The following FARS2 variants were observed in gnomAD, a reference collection of about 807,000 sequenced individuals.
FARS2 encodes the protein phenylalanyl-tRNA synthetase 2, mitochondrial, also known as phenylalanine--tRNA ligase, mitochondrial.
A neutral mutation model predicts 46.4 loss-of-function variants in FARS2; 40 were observed. That is an observed-to-expected ratio of 0.86 (90% CI 0.67 to 1.12). The LOEUF (loss-of-function observed/expected upper bound fraction) is 1.12, where lower values mean the gene tolerates loss of function less well. Ranked by LOEUF, FARS2 falls within the 50% of genes most tolerant of loss-of-function variation. The pLI is 0.00. For missense variants in FARS2, 513 were observed against 567.9 expected (o/e 0.90, Z 0.98); for synonymous variants, 234 against 214.9 (o/e 1.09, Z -0.78).
At chr6:5,292,545 C>T (rs1330398595) in intron 1 of FARS2, among the ~76,000 whole-genome samples, 1 of 152,140 alleles carries the variant, frequency 6.6e-6, no homozygotes, top group Non-Finnish European at 1.5e-5. Flanking sequence ...CTAAAGGATA[C>T]CTCCCAGTTT....
chr6:5,442,090 C>A (rs912759162), intron 4 of FARS2, among the ~76,000 whole-genome samples: 4 of 152,098 alleles, frequency 2.6e-5, no homozygotes, highest in Non-Finnish European at 4.4e-5. Flanking sequence ...TAGAGTGAGA[C>A]CCTCTCTCAA....
At chr6:5,426,215 T>C (rs1203483350) in intron 3 of FARS2, among the ~76,000 whole-genome samples, 3 of 152,202 alleles carry the variant, frequency 2.0e-5, no homozygotes, top group Non-Finnish European at 2.9e-5. Flanking sequence ...TTCCACTAGA[T>C]ATATAGTTCA....
chr6:5,493,693 G>A (rs562643075), intron 4 of FARS2, among the ~76,000 whole-genome samples: 8 of 152,270 alleles, frequency 5.3e-5, no homozygotes, highest in African/African-American at 9.6e-5. Context: ...AGCTATTCAC[G>A]GAGTTGTTTT....
chr6:5,511,860 G>C (rs1254614718), intron 4 of FARS2, among the ~76,000 whole-genome samples: 2 of 152,150 alleles, frequency 1.3e-5, no homozygotes, highest in African/African-American at 4.8e-5. Flanking sequence ...ACAGGGACAG[G>C]TTCAGGAGTC....
At chr6:5,666,193 A>G (rs1778111260) in intron 6 of FARS2, among the ~76,000 whole-genome samples, 1 of 152,228 alleles carries the variant, frequency 6.6e-6, no homozygotes, top group East Asian at 1.9e-4. Flanking sequence ...GGGCTGTGTA[A>G]GGAAGAATCC....
At chr6:5,757,646 G>T (rs1762277761) in intron 6 of FARS2, among the ~76,000 whole-genome samples, 1 of 152,220 alleles carries the variant, frequency 6.6e-6, no homozygotes. Flanking sequence ...TTCTAGCCAG[G>T]ATTAAGAGCA....
At chr6:5,359,337 G>A (rs1321884035) in intron 1 of FARS2, among the ~76,000 whole-genome samples, 2 of 151,986 alleles carry the variant, frequency 1.3e-5, no homozygotes, top group African/African-American at 4.8e-5. Flanking sequence ...CATTGCTCCC[G>A]GCCAAGATAT....
At chr6:5,370,060 A>G (rs949087427) in intron 2 of FARS2, among the ~76,000 whole-genome samples, 3 of 152,218 alleles carry the variant, frequency 2.0e-5, no homozygotes, top group Admixed American at 6.5e-5. Flanking sequence ...TGTCCCTTCC[A>G]GACATGTTCA....
chr6:5,407,877 T>C (rs946250119), intron 3 of FARS2, among the ~76,000 whole-genome samples: 2 of 152,206 alleles, frequency 1.3e-5, no homozygotes, highest in Non-Finnish European at 2.9e-5. Context: ...TGCAGGGAGA[T>C]GGATTGAGCT....
chr6:5,433,206 G>A (rs1289897666), intron 4 of FARS2, among the ~76,000 whole-genome samples: 1 of 152,092 alleles, frequency 6.6e-6, no homozygotes, highest in Non-Finnish European at 1.5e-5. Flanking sequence ...ATCACCCCAC[G>A]AGCCTTGGCT....
At chr6:5,383,170 GA>G (rs1362967200) in intron 2 of FARS2, among the ~76,000 whole-genome samples, 1 of 152,202 alleles carries the variant, frequency 6.6e-6, no homozygotes, top group Non-Finnish European at 1.5e-5. Context: ...GAAACACTGA[GA>G]GTCCTCAGTC....
intron 6 of FARS2, among the ~76,000 whole-genome samples, chr6:5,711,688 G>A (rs1326043055): frequency 6.6e-6 from 1 of 152,168 alleles, no homozygotes; most frequent in Non-Finnish European, 1.5e-5. Context: ...CAACATTCCT[G>A]ACCAATGCTC....
At chr6:5,673,283 GGCACCT>G (rs1778576129) in intron 6 of FARS2, among the ~76,000 whole-genome samples, 1 of 152,332 alleles carries the variant, frequency 6.6e-6, no homozygotes, top group African/African-American at 2.4e-5. Flanking sequence ...TGCTGTGCAT[GGCACCT>G]GTGTTCCTGG....
chr6:5,444,623 C>T (rs574172784), intron 4 of FARS2, among the ~76,000 whole-genome samples: 1 of 152,062 alleles, frequency 6.6e-6, no homozygotes, highest in African/African-American at 2.4e-5. Context: ...TGGTTTTGAT[C>T]ACTATGGTAT....
At position 5,558,605 on chromosome 6, in the gene FARS2, C is replaced by T. The variant is rs551679860; in HGVS notation, c.1065+13265C>T. ...AGGCTCGAGTGCAGTGGCATGATCT[C>T]GGCTCACTGCAAACTCTGCCTCGCG... On this transcript the variant is annotated intron_variant, in intron 5 of 6. Coordinates refer to ENST00000274680, the MANE Select transcript of FARS2 (RefSeq NM_006567.5). 2.5e-4 allele frequency among the ~76,000 whole-genome samples: 38 copies of T among 152,156 alleles called. No homozygotes were observed. The East Asian group carries it at 6.0e-3, about 24-fold the overall frequency.
At chr6:5,684,122 C>A (rs1342890249) in intron 6 of FARS2, among the ~76,000 whole-genome samples, 1 of 152,102 alleles carries the variant, frequency 6.6e-6, no homozygotes, top group Non-Finnish European at 1.5e-5. Flanking sequence ...TATACCTGCC[C>A]GGCTTGCCTT....
intron 5 of FARS2, among the ~76,000 whole-genome samples, chr6:5,574,984 C>G (rs903323618): frequency 7.9e-5 from 12 of 151,998 alleles, no homozygotes; most frequent in Admixed American, 6.6e-4. Flanking sequence ...TATAAGTGGA[C>G]CAGTGAAGTT....
intron 4 of FARS2, among the ~76,000 whole-genome samples, chr6:5,436,760 A>G (rs1179502446): frequency 6.6e-6 from 1 of 152,168 alleles, no homozygotes; most frequent in Non-Finnish European, 1.5e-5. Context: ...CTGTTCATAG[A>G]GCATCAGAGT....
Position 5,578,462 on chromosome 6 carries a change from G to A in FARS2, c.1065+33122G>A, listed in dbSNP as rs147808395. On this transcript the variant is annotated intron_variant, in intron 5 of 6. Transcript: ENST00000274680. Reference sequence around the variant, plus strand: ...GGGTGGGGGCTGGAAGGTGGAATTAGTACCTTTTCAATTTTTTTTAACGTT... The same window carrying A: ...GGGTGGGGGCTGGAAGGTGGAATTAATACCTTTTCAATTTTTTTTAACGTT... Among the ~76,000 whole-genome samples, 509 of 152,168 alleles carry A rather than the reference G, an allele frequency of 3.3e-3. 2 individuals are homozygous for A. The highest frequency in any genetic ancestry group is 0.012 in the African/African-American group (481 of 41,492).
Sources: allele counts gnomAD v4.1 joint callset (sites outside exome capture counted in the v4.1 genomes callset), GRCh38; gene constraint gnomAD v4.1.1; transcripts MANE v1.5; gene names NCBI Gene and HGNC (gene_info 2026-07-23, HGNC 2026-07-21).